The following SYNE2 variants were observed in gnomAD, a reference collection of about 807,000 sequenced individuals.
SYNE2 encodes the protein spectrin repeat containing nuclear envelope protein 2, also known as nesprin-2.
SYNE2 carries 431 observed loss-of-function variants against 856.3 expected under a neutral mutation model. The observed-to-expected ratio is 0.50, with a 90% CI of 0.47 to 0.55. SYNE2 has a LOEUF of 0.55. Ranked by LOEUF, SYNE2 falls within the 20% of genes least tolerant of loss-of-function variation. The pLI is 0.00. For synonymous variants in SYNE2, 2,923 were observed against 2,872.3 expected (o/e 1.02, Z -0.56); for missense variants, 8,129 against 8,023.2 (o/e 1.01, Z -0.50).
chr14:63,850,079 CTTT>C (rs66964099), upstream of SYNE2, among the ~76,000 whole-genome samples: 55,114 of 130,208 alleles, frequency 0.42, 12,320 homozygotes, highest in South Asian at 0.57. Flanking sequence ...TGACAACATA[CTTT>C]TTTTTTTTTT....
intron 1 of SYNE2, among the ~76,000 whole-genome samples, chr14:63,798,361 G>A (rs557852075): frequency 1.0e-4 from 15 of 148,964 alleles, no homozygotes; most frequent in African/African-American, 2.7e-4. Flanking sequence ...TCTTGCATAC[G>A]TCTTATCTAG....
At chr14:64,215,797 C>T (rs920334342) in intron 107 of SYNE2, 3 of 517,790 alleles carry the variant, frequency 5.8e-6, no homozygotes, top group East Asian at 1.3e-4. Flanking sequence ...ACCTTCCTTT[C>T]CTTGATTTGC....
chr14:63,998,601 G>A (rs953930225), intron 26 of SYNE2, among the ~76,000 whole-genome samples: 7 of 151,784 alleles, frequency 4.6e-5, no homozygotes, highest in Middle Eastern at 3.4e-3. Context: ...TCGTTCTGTC[G>A]CCCAGGCTGG....
rs140307161 is a variant in SYNE2 at position 64,154,759 on chromosome 14, C to T, written c.15792+2043C>T. ...AGTAAGGCAAGACTATGCCACTGCA[C>T]TCCAGCCTGGGCAACACAGTGAGAC... On this transcript the variant is annotated intron_variant, in intron 85 of 115. Coordinates refer to ENST00000555002, the MANE Select transcript of SYNE2 (RefSeq NM_182914.3). Among the ~76,000 whole-genome samples the T allele has an allele frequency of 2.9e-3, 418 of 144,334 alleles. 1 individual carries two copies. The highest frequency in any genetic ancestry group is 4.9e-3 in the Non-Finnish European group (328 of 67,046). 94.7% of individuals were successfully genotyped at this position (144,334 alleles called of 152,430 possible).
rs571057492 is a variant in SYNE2 at position 63,797,591 on chromosome 14, G to A, written c.-305+35605G>A. The stretch of plus-strand genomic sequence containing the variant: ...TGAGTAGCTGGGATTACAGGCATGC[G>A]CCACCACACCCGGCTAATTTTTGTA... On this transcript the variant is annotated intron_variant, in intron 1 of 23. Coordinates refer to the SYNE2 transcript ENST00000674003. Among the ~76,000 whole-genome samples the A allele has an allele frequency of 1.8e-4, 28 of 152,044 alleles. 1 individual carries two copies. In the East Asian group the frequency reaches 2.3e-3, roughly 13 times the overall value.
chr14:63,830,934 G>T (rs1297579391), intron 1 of SYNE2, among the ~76,000 whole-genome samples: 1 of 143,978 alleles, frequency 6.9e-6, no homozygotes, highest in Non-Finnish European at 1.5e-5. Flanking sequence ...TCCACCTTCC[G>T]GGTTCAAGTG....
intron 1 of SYNE2, among the ~76,000 whole-genome samples, chr14:63,854,434 A>C (rs1891224906): frequency 6.6e-6 from 1 of 151,050 alleles, no homozygotes; most frequent in South Asian, 2.1e-4. Context: ...TTAATGCATG[A>C]CTCCTTCTCC....
chr14:64,016,620 A>G lies in SYNE2; in HGVS notation c.4876A>G (p.Arg1626Gly). The change falls in exon 33 of 116, where the codon AGA (arginine) becomes GGA (glycine). Residue 1626 changes from arginine (R) to glycine (G), a missense_variant. Physicochemically the swap from Arg to Gly is moderately radical, Grantham distance 125 (BLOSUM62 -2). Transcript: ENST00000555002. ...FEKEANIIVD[R>G]WLDINEKTED... Reference sequence around the variant, plus strand: ...AAAAGAGGCTAATATTATTGTGGATAGATGGCTTGATGTAAGTGATAATTT... The same window carrying G: ...AAAAGAGGCTAATATTATTGTGGATGGATGGCTTGATGTAAGTGATAATTT... 2 of 1,594,816 alleles carry G rather than the reference A, an allele frequency of 1.3e-6. No individual in the cohort carries two copies. The highest frequency in any genetic ancestry group is 1.7e-6 in the Non-Finnish European group (2 of 1,166,040).
chr14:64,067,564 A>G (rs1465610716), intron 51 of SYNE2, among the ~76,000 whole-genome samples: 1 of 152,262 alleles, frequency 6.6e-6, no homozygotes, highest in Non-Finnish European at 1.5e-5. Flanking sequence ...GCTTTTATAT[A>G]TGACAAAGTG....
At chr14:63,807,378 G>A (rs1056702234) in intron 1 of SYNE2, among the ~76,000 whole-genome samples, 17 of 151,144 alleles carry the variant, frequency 1.1e-4, no homozygotes, top group Non-Finnish European at 2.4e-4. Flanking sequence ...GTACTAAAGT[G>A]GAATGACAGG....
chr14:64,133,449 T>C (rs1158231407), intron 77 of SYNE2, among the ~76,000 whole-genome samples: 1 of 151,958 alleles, frequency 6.6e-6, no homozygotes, highest in Non-Finnish European at 1.5e-5. Flanking sequence ...ATGTTTGGAG[T>C]CAATAACTCA....
intron 50 of SYNE2, among the ~76,000 whole-genome samples, chr14:64,063,384 A>G (rs1032609206): frequency 6.6e-6 from 1 of 152,194 alleles, no homozygotes; most frequent in South Asian, 2.1e-4. Flanking sequence ...GCCAGAAGGA[A>G]GGAAATGAAG....
chr14:64,138,013 A>G (rs2098109451), intron 79 of SYNE2, 30 bp downstream of exon 79: 3 of 1,601,572 alleles, frequency 1.9e-6, no homozygotes, highest in Non-Finnish European at 2.6e-6. Context: ...GATTGGCTTC[A>G]TATTGTGCTG....
intron 19 of SYNE2, among the ~76,000 whole-genome samples, chr14:63,989,862 G>A (rs900616895): frequency 5.3e-5 from 8 of 150,104 alleles, no homozygotes; most frequent in Non-Finnish European, 1.2e-4. Context: ...GTTGGCCAGG[G>A]TGGTCTCGAA....
rs564327072 is a variant in SYNE2 at position 64,201,079 on chromosome 14, G to T, written c.18039-1722G>T. Among the ~76,000 whole-genome samples the T allele has an allele frequency of 2.6e-5, 4 of 152,306 alleles. No individual in the cohort carries two copies. In the East Asian group the frequency reaches 7.7e-4, roughly 29 times the overall value. ...ATTTCAAGCTCACCGCCACCTGCAAGGTGGATAATTTTACAGATCATGAAG... is the reference window on the plus strand; with the variant it reads ...ATTTCAAGCTCACCGCCACCTGCAATGTGGATAATTTTACAGATCATGAAG... On this transcript the variant is annotated intron_variant, in intron 99 of 115. Transcript: ENST00000555002.
At chr14:63,773,037 G>A (rs757357398) in intron 1 of SYNE2, among the ~76,000 whole-genome samples, 3 of 151,480 alleles carry the variant, frequency 2.0e-5, no homozygotes, top group Admixed American at 1.3e-4. Flanking sequence ...CTCGGCCTCC[G>A]AAAGTGCTGG....
intron 70 of SYNE2, 33 bp from the exon 71 acceptor site, chr14:64,125,046 C>T: frequency 1.2e-6 from 2 of 1,613,548 alleles, no homozygotes; most frequent in Non-Finnish European, 1.7e-6. Context: ...GGGTCTAAAA[C>T]TGTCAGTAAT....
intron 47 of SYNE2, 57 bp from the exon 48 acceptor site, chr14:64,051,500 T>C (rs2097226360): frequency 1.4e-6 from 2 of 1,470,002 alleles, no homozygotes; most frequent in East Asian, 2.4e-5. Flanking sequence ...TTTATCCACA[T>C]TTTAATGTAG....
intron 61 of SYNE2, among the ~76,000 whole-genome samples, chr14:64,095,647 G>A (rs997728020): frequency 6.6e-6 from 1 of 152,100 alleles, no homozygotes; most frequent in Non-Finnish European, 1.5e-5. Context: ...GGATAGTTCA[G>A]CTTACAACTC....
Sources: gnomAD v4.1 joint callset for allele counts (sites outside exome capture counted in the v4.1 genomes callset) on GRCh38, gnomAD v4.1.1 for gene constraint, MANE v1.5 for transcripts, NCBI Gene and HGNC (gene_info 2026-07-23, HGNC 2026-07-21) for gene names.